Variants in MYO1E observed in about 807,000 individuals in gnomAD.
MYO1E encodes myosin IE.
A neutral mutation model predicts 151.1 loss-of-function variants in MYO1E; 68 were observed. The ratio of observed to expected loss-of-function variants is 0.45; its 90% CI spans 0.37 to 0.55. The LOEUF (loss-of-function observed/expected upper bound fraction) is 0.55, where lower values mean the gene tolerates loss of function less well. Among genes scored for constraint, MYO1E ranks in the 20% least tolerant of loss-of-function variants. MYO1E has a pLI of 0.00. For missense variants in MYO1E, 1,363 were observed against 1,389.3 expected (o/e 0.98, Z 0.30); for synonymous variants, 601 against 501.7 (o/e 1.20, Z -2.64).
intron 3 of MYO1E, among the ~76,000 whole-genome samples, chr15:59,259,594 G>A (rs1362007736): frequency 2.6e-5 from 4 of 152,172 alleles, no homozygotes; most frequent in Non-Finnish European, 5.9e-5. Flanking sequence ...TGAGAAAGTA[G>A]AGGACTGTAA....
At chr15:59,339,860 T>G (rs1325565259) in intron 1 of MYO1E, among the ~76,000 whole-genome samples, 2 of 151,176 alleles carry the variant, frequency 1.3e-5, no homozygotes, top group African/African-American at 4.9e-5. Flanking sequence ...TTTGTTTTTT[T>G]TTTTTTTGAC....
chr15:59,186,178 T>G (rs1258265501), intron 18 of MYO1E, among the ~76,000 whole-genome samples: 2 of 152,204 alleles, frequency 1.3e-5, no homozygotes, highest in Non-Finnish European at 2.9e-5. Flanking sequence ...GTTCCTAGTC[T>G]AACTCACCTC....
intron 3 of MYO1E, among the ~76,000 whole-genome samples, chr15:59,258,416 T>C (rs2080206413): frequency 6.6e-6 from 1 of 152,230 alleles, no homozygotes; most frequent in Admixed American, 6.5e-5. Context: ...GCCAGATTAG[T>C]TACAGATTAG....
At chr15:59,192,788 A>C (rs1196680279) in intron 17 of MYO1E, among the ~76,000 whole-genome samples, 1 of 152,166 alleles carries the variant, frequency 6.6e-6, no homozygotes, top group Non-Finnish European at 1.5e-5. Flanking sequence ...TGGTTGGAGT[A>C]ATCATATTGG....
intron 1 of MYO1E, among the ~76,000 whole-genome samples, chr15:59,363,273 G>C (rs558827440): frequency 6.6e-6 from 1 of 152,052 alleles, no homozygotes; most frequent in Non-Finnish European, 1.5e-5. Flanking sequence ...CACCATGCCC[G>C]GCCAGTATTA....
chr15:59,369,437 G>A (rs1000736380), intron 1 of MYO1E, among the ~76,000 whole-genome samples: 3 of 152,148 alleles, frequency 2.0e-5, no homozygotes, highest in Non-Finnish European at 2.9e-5. Context: ...TACAGCCATG[G>A]GTTTCAGTCT....
chr15:59,230,110 T>C (rs1267101065), intron 6 of MYO1E, among the ~76,000 whole-genome samples: 2 of 152,140 alleles, frequency 1.3e-5, no homozygotes, highest in Non-Finnish European at 2.9e-5. Flanking sequence ...TCTCGATTAT[T>C]ATCAATCAAC....
chr15:59,236,090 C>A (rs12905316), intron 5 of MYO1E, among the ~76,000 whole-genome samples: 68,254 of 151,676 alleles, frequency 0.45, 18,690 homozygotes, highest in Non-Finnish European at 0.62. Context: ...TTCCTTAATC[C>A]CAGCACTTTG....
intron 1 of MYO1E, among the ~76,000 whole-genome samples, chr15:59,332,426 A>G (rs1483518360): frequency 6.6e-6 from 1 of 152,224 alleles, no homozygotes; most frequent in East Asian, 1.9e-4. Context: ...TTGCAATTAG[A>G]TGGGAAGAAG....
At chr15:59,203,665 C>T (rs2079815902) in intron 15 of MYO1E, among the ~76,000 whole-genome samples, 1 of 152,310 alleles carries the variant, frequency 6.6e-6, no homozygotes, top group South Asian at 2.1e-4. Flanking sequence ...TGAGCCACTG[C>T]ACCCAGCCTG....
chr15:59,227,580 A>C lies in MYO1E; in HGVS notation c.521T>G (p.Phe174Cys), dbSNP rs777319414. ...NNNSSRFGKYFEIQFSPGGEP... is the reference protein window; with the variant it reads ...NNNSSRFGKYCEIQFSPGGEP... ...CCCACCTGGACTGAACTGGATTTCA[A>C]AGTATTTTCCCTGCAAGAAAGTTAG... The change falls in exon 7 of 28, where the codon TTT (phenylalanine) becomes TGT (cysteine). Residue 174 changes from phenylalanine (F) to cysteine (C), a missense_variant. By Grantham distance (205) the Phe-to-Cys change is radical. Coordinates refer to ENST00000288235, the MANE Select transcript of MYO1E (RefSeq NM_004998.4). The C allele has an allele frequency of 6.2e-7, 1 of 1,614,158 alleles. No homozygotes were observed. Among genetic ancestry groups the C allele is most frequent in the East Asian group, 2.2e-5 (1 of 44,870 alleles).
At chr15:59,287,886 A>G (rs879613153) in intron 1 of MYO1E, among the ~76,000 whole-genome samples, 11 of 152,348 alleles carry the variant, frequency 7.2e-5, no homozygotes, top group Non-Finnish European at 1.2e-4. Flanking sequence ...GAAGGAGTGG[A>G]TCAGAAAATG....
intron 25 of MYO1E, among the ~76,000 whole-genome samples, chr15:59,155,796 C>T (rs2079506355): frequency 4.6e-5 from 7 of 151,802 alleles, no homozygotes; most frequent in Admixed American, 4.6e-4. Context: ...ACTGCTGGGC[C>T]CCAGTGTCCA....
intron 10 of MYO1E, among the ~76,000 whole-genome samples, chr15:59,217,327 C>G (rs542875850): frequency 6.6e-6 from 1 of 152,062 alleles, no homozygotes; most frequent in East Asian, 1.9e-4. Flanking sequence ...TTTCTGGTCT[C>G]TAGTCCTAGC....
chr15:59,263,301 T>A (rs1272720493), intron 2 of MYO1E, among the ~76,000 whole-genome samples: 1 of 152,198 alleles, frequency 6.6e-6, no homozygotes, highest in African/African-American at 2.4e-5. Context: ...GATAGTCTCA[T>A]TTTACTTAAA....
In MYO1E at chr15:59,231,810, C is replaced by G. The variant is rs745950580; in HGVS notation, c.421-19G>C. The G allele has an allele frequency of 6.2e-7, 1 of 1,613,358 alleles. No homozygotes were observed. Among genetic ancestry groups the G allele is most frequent in the African/African-American group, 1.3e-5 (1 of 74,884 alleles). ...TCACGTGCTGTCCCAGCAAATAGAC[C>G]GGAGGTTAGGAAGGTGTGAACACCT... On this transcript the variant is annotated intron_variant, in intron 5 of 27. Coordinates refer to ENST00000288235, the MANE Select transcript of MYO1E (RefSeq NM_004998.4).
chr15:59,325,435 CAAT>C (rs1371521145), intron 1 of MYO1E, among the ~76,000 whole-genome samples: 3 of 152,160 alleles, frequency 2.0e-5, no homozygotes, highest in African/African-American at 7.2e-5. Context: ...AATTCGTGCA[CAAT>C]GAGTCCCAGT....
intron 1 of MYO1E, among the ~76,000 whole-genome samples, chr15:59,362,570 C>T (rs2080891547): frequency 1.3e-5 from 2 of 152,228 alleles, no homozygotes; most frequent in African/African-American, 4.8e-5. Context: ...CATATTTCTG[C>T]ATTACAGCAT....
At chr15:59,182,596 C>T (rs2079670401) in intron 18 of MYO1E, among the ~76,000 whole-genome samples, 1 of 152,138 alleles carries the variant, frequency 6.6e-6, no homozygotes, top group Admixed American at 6.5e-5. Context: ...TTTGTCTGTT[C>T]TGAAAGGAAA....
Sources: gnomAD v4.1 joint callset for allele counts (sites outside exome capture counted in the v4.1 genomes callset) on GRCh38, gnomAD v4.1.1 for gene constraint, MANE v1.5 for transcripts, NCBI Gene and HGNC (gene_info 2026-07-23, HGNC 2026-07-21) for gene names.